HMGXB3: variants seen among roughly 807,000 people sequenced by gnomAD.
HMGXB3 encodes HMG domain-containing protein 3.
Under a neutral mutation model 121.5 loss-of-function variants are expected in HMGXB3, and 45 were observed. The ratio of observed to expected loss-of-function variants is 0.37; its 90% CI spans 0.29 to 0.47. The LOEUF is 0.47. Ranked by LOEUF, HMGXB3 falls within the 20% of genes least tolerant of loss-of-function variation. The pLI is 0.99. For synonymous variants in HMGXB3, 590 were observed against 624.1 expected, an observed-to-expected ratio of 0.95 and a Z score of 0.81; for missense variants, 1,376 against 1,602.2, an observed-to-expected ratio of 0.86 and a Z score of 2.41.
At position 150,040,172 on chromosome 5, in the gene HMGXB3, G is replaced by A. The variant is rs148831509; in HGVS notation, c.2414-576G>A. Among the ~76,000 whole-genome samples, 598 of 151,990 alleles carry A rather than the reference G, an allele frequency of 3.9e-3. 3 individuals are homozygous for A. The highest frequency in any genetic ancestry group is 0.013 in the African/African-American group (518 of 41,422). On this transcript the variant is annotated intron_variant, in intron 13 of 19. Coordinates refer to ENST00000502717, the MANE Select transcript of HMGXB3 (RefSeq NM_014983.3). ...ATTGGGGGAAAAAGATCTACTATATGTACTATTTCATTATTTTTTGTTTGT... is the reference window on the plus strand; with the variant it reads ...ATTGGGGGAAAAAGATCTACTATATATACTATTTCATTATTTTTTGTTTGT...
intron 16 of HMGXB3, among the ~76,000 whole-genome samples, chr5:150,047,207 T>G (rs914830595): frequency 6.6e-6 from 1 of 152,136 alleles, no homozygotes; most frequent in Non-Finnish European, 1.5e-5. Context: ...AGGGATTATT[T>G]TTTTAAGGTG....
At chr5:150,036,612 G>A in intron 11 of HMGXB3, 24 bp from the exon 12 acceptor site, 2 of 1,507,398 alleles carry the variant, frequency 1.3e-6, no homozygotes, top group Non-Finnish European at 1.8e-6. Context: ...TGAGTGCTTG[G>A]TGATCAATCC....
intron 14 of HMGXB3, among the ~76,000 whole-genome samples, chr5:150,041,384 T>G (rs1477623383): frequency 6.6e-6 from 1 of 152,238 alleles, no homozygotes; most frequent in Non-Finnish European, 1.5e-5. Flanking sequence ...TAGAGTTACA[T>G]GGGCCTGTGT....
Position 150,051,878 on chromosome 5 carries a change from C to T in HMGXB3, c.3565C>T (p.His1189Tyr), listed in dbSNP as rs1756912462. Residue 1189 changes from histidine (H) to tyrosine (Y), a missense_variant, in exon 20 of 20, where the codon CAC (histidine) becomes TAC (tyrosine). Physicochemically the swap from His to Tyr is moderately conservative, Grantham distance 83 (BLOSUM62 2). Coordinates refer to ENST00000502717, the MANE Select transcript of HMGXB3 (RefSeq NM_014983.3). ...TCCTGGTGACCCCAGTGCTGGGCAC[C>T]ACTCCTTGGCCCTGTGCCCTGAATT... is the stretch of plus-strand genomic sequence containing the variant. ...PNPGDPSAGH[H>Y]SLALCPELAP... The T allele has an allele frequency of 6.4e-7, 1 of 1,551,320 alleles. No homozygotes were observed. The highest frequency in any genetic ancestry group is 1.4e-5 in the African/African-American group (1 of 73,056).
At chr5:150,042,877 C>T (rs992101340) in intron 15 of HMGXB3, among the ~76,000 whole-genome samples, 1 of 152,150 alleles carries the variant, frequency 6.6e-6, no homozygotes, top group African/African-American at 2.4e-5. Flanking sequence ...CAAAAGTGGG[C>T]ATGTTTCCCC....
intron 1 of HMGXB3, 107 bp from the exon 2 acceptor site, chr5:150,004,744 T>C: frequency 4.2e-6 from 3 of 718,684 alleles, no homozygotes; most frequent in Non-Finnish European, 6.7e-6. Flanking sequence ...TTGGGAAATG[T>C]CTAAGCCTTA....
At chr5:150,050,787 G>A (rs1003624537) in intron 19 of HMGXB3, among the ~76,000 whole-genome samples, 4 of 152,290 alleles carry the variant, frequency 2.6e-5, no homozygotes, top group Middle Eastern at 6.8e-3. Context: ...AGCCTACTCC[G>A]TAAGTTTTTA....
rs1561852845 is a variant in HMGXB3 at position 150,011,593 on chromosome 5, G to GGTTTTTTTTGTTTTTTTTTTTTTTTTTT, written c.811-662_811-661insGTTTTTTTTGTTTTTTTTTTTTTTTTTT. Among the ~76,000 whole-genome samples the GGTTTTTTTTGTTTTTTTTTTTTTTTTTT allele has an allele frequency of 1.5e-5, 2 of 134,122 alleles. 1 individual carries two copies. Among genetic ancestry groups the GGTTTTTTTTGTTTTTTTTTTTTTTTTTT allele is most frequent in the African/African-American group, 7.4e-5 (2 of 26,846 alleles). 88.0% of individuals were successfully genotyped at this position (134,122 alleles called of 152,430 possible). On this transcript the variant is annotated intron_variant, in intron 4 of 19. Coordinates refer to ENST00000502717, the MANE Select transcript of HMGXB3 (RefSeq NM_014983.3). ...TAGCCGGTTGTTGTTGTTGTTGGTT[G>GGTTTTTTTTGTTTTTTTTTTTTTTTTTT]TTTTTTTTTGGTTTTTTTTTTTTTT...
intron 4 of HMGXB3, among the ~76,000 whole-genome samples, chr5:150,010,983 G>C (rs966366165): frequency 1.4e-4 from 21 of 152,138 alleles, no homozygotes; most frequent in African/African-American, 4.8e-4. Flanking sequence ...TCTTGAAATG[G>C]GATTTCACTC....
At chr5:150,011,614 T>G (rs1460162896) in intron 4 of HMGXB3, among the ~76,000 whole-genome samples, 2 of 150,088 alleles carry the variant, frequency 1.3e-5, no homozygotes, top group African/African-American at 4.9e-5. Flanking sequence ...GTTTTTTTTT[T>G]TTTTTTTGAG....
In HMGXB3 at chr5:150,010,566, C is replaced by A. The variant is rs1201640529; in HGVS notation, c.768C>A (p.His256Gln). The stretch of plus-strand genomic sequence containing the variant: ...CCACTGGAAGCCTGGCTGTGCCCCA[C>A]CCCCAGGTTGGGGAGAGTGTATCAG... ...DLPTGSLAVP[H>Q]PQVGESVSVV... The change falls in exon 4 of 20, where the codon CAC (histidine) becomes CAA (glutamine). Residue 256 changes from histidine to glutamine, a missense_variant. Physicochemically the swap from His to Gln is conservative, Grantham distance 24. Coordinates refer to ENST00000502717, the MANE Select transcript of HMGXB3 (RefSeq NM_014983.3). The A allele has an allele frequency of 3.2e-6, 5 of 1,551,208 alleles. No individual in the cohort carries two copies. The East Asian group carries it at 1.2e-4, about 38-fold the overall frequency.
chr5:150,051,562 A>G (rs957057065), intron 19 of HMGXB3, among the ~76,000 whole-genome samples, 163 bp from the exon 20 acceptor site: 1 of 152,196 alleles, frequency 6.6e-6, no homozygotes, highest in East Asian at 1.9e-4. Context: ...TTCTCACATG[A>G]GGAAATGGAG....
At chr5:150,030,924 G>C (rs923376314) in intron 10 of HMGXB3, 85 bp downstream of exon 10, 3 of 950,342 alleles carry the variant, frequency 3.2e-6, no homozygotes, top group Non-Finnish European at 5.0e-6. Flanking sequence ...CTGGGGGAGA[G>C]GGTGGTGGTA....
chr5:150,048,814 C>CG, intron 18 of HMGXB3, 129 bp downstream of exon 18: 1 of 708,936 alleles, frequency 1.4e-6, no homozygotes, highest in Non-Finnish European at 2.5e-6. Flanking sequence ...TAGCTGCCCA[C>CG]GGGTCAGGTG....
intron 9 of HMGXB3, among the ~76,000 whole-genome samples, chr5:150,030,104 T>G (rs1756336916): frequency 6.6e-6 from 1 of 152,012 alleles, no homozygotes; most frequent in African/African-American, 2.4e-5. Context: ...TTCATTATTA[T>G]AGAATAATTT....
chr5:150,027,553 A>ATT (rs796074105), intron 9 of HMGXB3, among the ~76,000 whole-genome samples: 6 of 143,664 alleles, frequency 4.2e-5, no homozygotes, highest in East Asian at 2.0e-4. Context: ...AAGAATAGGG[A>ATT]TTTTTTTTTT....
chr5:150,030,151 A>G (rs746570338), intron 9 of HMGXB3, among the ~76,000 whole-genome samples: 26 of 152,044 alleles, frequency 1.7e-4, no homozygotes, highest in Non-Finnish European at 3.2e-4. Flanking sequence ...TCTTTTTTTT[A>G]GCTATATAAG....
At chr5:150,033,284 T>C (rs1756423614) in intron 11 of HMGXB3, among the ~76,000 whole-genome samples, 1 of 152,034 alleles carries the variant, frequency 6.6e-6, no homozygotes, top group Non-Finnish European at 1.5e-5. Flanking sequence ...AGAAGAGAAA[T>C]GTCACTGGTC....
chr5:150,045,286 G>A (rs905640481), intron 15 of HMGXB3, among the ~76,000 whole-genome samples, 180 bp from the exon 16 acceptor site: 1 of 152,208 alleles, frequency 6.6e-6, no homozygotes. Flanking sequence ...GGAAAGAAAT[G>A]TGACCAAAAG....
Sources: gnomAD v4.1 joint callset for allele counts (sites outside exome capture counted in the v4.1 genomes callset) on GRCh38, gnomAD v4.1.1 for gene constraint, MANE v1.5 for transcripts, NCBI Gene and HGNC (gene_info 2026-07-23, HGNC 2026-07-21) for gene names.